Variants in RCBTB2 observed in about 807,000 individuals in gnomAD.
RCBTB2 encodes the protein RCC1 and BTB domain containing protein 2.
A neutral mutation model predicts 65.4 loss-of-function variants in RCBTB2; 55 were observed. The observed-to-expected ratio is 0.84, with a 90% CI of 0.68 to 1.05. The LOEUF (loss-of-function observed/expected upper bound fraction) is 1.05. RCBTB2 is among the 50% of genes least tolerant of loss of function. The probability of loss-of-function intolerance (pLI) is 0.00; values close to 1 mark genes in which losing one functional copy is unlikely to be tolerated. For synonymous variants in RCBTB2, 220 were observed against 255.2 expected (o/e 0.86, Z 1.31); for missense variants, 599 against 680.1 (o/e 0.88, Z 1.33).
At chr13:48,532,751 T>C (rs755663350) in intron 1 of RCBTB2, 4 of 302,302 alleles carry the variant, frequency 1.3e-5, no homozygotes, top group Admixed American at 4.8e-5. Flanking sequence ...GCCAGCGGAA[T>C]TGCGCATGCG....
intron 4 of RCBTB2, among the ~76,000 whole-genome samples, chr13:48,518,632 T>C (rs1951239991): frequency 6.6e-6 from 1 of 151,448 alleles, no homozygotes; most frequent in South Asian, 2.1e-4. Flanking sequence ...GTCCCCAATT[T>C]TATTATATAT....
chr13:48,532,539 C>T (rs1952200601), intron 1 of RCBTB2: 1 of 167,632 alleles, frequency 6.0e-6, no homozygotes, highest in Admixed American at 6.4e-5. Context: ...GGAGAAACTT[C>T]AGGCAGGACG....
intron 10 of RCBTB2, 151 bp downstream of exon 10, chr13:48,510,478 C>T: frequency 2.0e-6 from 2 of 982,644 alleles, no homozygotes; most frequent in Admixed American, 2.6e-5. Context: ...CCCAACAATT[C>T]CAAAGCCAAT....
At chr13:48,492,518 G>T (rs1033909501) in intron 14 of RCBTB2, 1 of 152,222 alleles carries the variant, frequency 6.6e-6, no homozygotes, top group Non-Finnish European at 1.5e-5. Context: ...CCCATCTTCA[G>T]TTCCTCTACT....
At chr13:48,531,894 C>G (rs989585663) in intron 1 of RCBTB2, 17 of 152,268 alleles carry the variant, frequency 1.1e-4, no homozygotes, top group African/African-American at 4.1e-4. Flanking sequence ...TTAACTAAGA[C>G]CCACTGTCTA....
chr13:48,526,937 GA>G (rs1951771144), intron 1 of RCBTB2, among the ~76,000 whole-genome samples: 1 of 151,930 alleles, frequency 6.6e-6, no homozygotes, highest in Non-Finnish European at 1.5e-5. Flanking sequence ...ATAATAAATA[GA>G]TTTTTTTTAA....
intron 4 of RCBTB2, among the ~76,000 whole-genome samples, chr13:48,516,208 T>C (rs1052836825): frequency 1.3e-5 from 2 of 152,188 alleles, no homozygotes; most frequent in Non-Finnish European, 2.9e-5. Context: ...TCCGAAGTTT[T>C]AGTTCATGGG....
At chr13:48,499,896 G>A in intron 12 of RCBTB2, 136 bp from the exon 13 acceptor site, 1 of 1,025,410 alleles carries the variant, frequency 9.8e-7, no homozygotes, top group Non-Finnish European at 1.4e-6. Flanking sequence ...TGCTGGCCAG[G>A]GTTTTCAAAC....
chr13:48,533,305 GT>G (rs1309269825), upstream of RCBTB2: 3 of 307,250 alleles, frequency 9.8e-6, no homozygotes, highest in Non-Finnish European at 1.9e-5. Flanking sequence ...ACCCCCGGGA[GT>G]CTCCCATTGG....
intron 2 of RCBTB2, 92 bp downstream of exon 2, chr13:48,524,567 G>T (rs1951603565): frequency 6.6e-6 from 1 of 152,096 alleles, no homozygotes; most frequent in Non-Finnish European, 1.5e-5. Context: ...TGTATTTCAG[G>T]GCTAGATACT....
Position 48,502,891 on chromosome 13 carries a change from T to C in RCBTB2, c.950A>G (p.His317Arg). 1 of 1,612,524 alleles carries C rather than the reference T, an allele frequency of 6.2e-7. No homozygotes were observed. The change falls in exon 11 of 15, where the codon CAC (histidine) becomes CGC (arginine). Residue 317 changes from histidine to arginine, a missense_variant. Coordinates refer to ENST00000344532, the MANE Select transcript of RCBTB2 (RefSeq NM_001268.4). ...KDRIIEIAAC[H>R]STHTSAAKTQ... ...CTTGGCCGCAGACGTGTGTGTGGAG[T>C]GACAGGCTGCAATCTCGATAATCCT...
chr13:48,530,883 C>T (rs1349484551), intron 1 of RCBTB2, among the ~76,000 whole-genome samples: 1 of 152,094 alleles, frequency 6.6e-6, no homozygotes, highest in Non-Finnish European at 1.5e-5. Flanking sequence ...AGGGTCATGC[C>T]GTGGGCTCCC....
At position 48,521,934 on chromosome 13, in the gene RCBTB2, T is replaced by C; in HGVS notation, c.6A>G (p.Glu2=). The change falls in exon 4 of 15, where the codon GAA becomes GAG. Residue 2 remains glutamate, a synonymous_variant. Transcript: ENST00000344532. M[E]EELPLFSGDS... is the part of the protein sequence containing the mutation. ...CTCCAGAGAAAAGAGGAAGTTCTTC[T>C]TCCATATGGACTCAGTCCTGGGCAG... 6.2e-7 allele frequency: 1 copy of C among 1,613,896 alleles called. No individual in the cohort carries two copies. Among genetic ancestry groups the C allele is most frequent in the African/African-American group, 1.3e-5 (1 of 75,032 alleles).
intron 6 of RCBTB2, 122 bp from the exon 7 acceptor site, chr13:48,513,017 C>T: frequency 2.9e-6 from 2 of 698,684 alleles, no homozygotes; most frequent in Non-Finnish European, 4.6e-6. Flanking sequence ...TAATCAACTT[C>T]CCCATTCCAC....
intron 11 of RCBTB2, among the ~76,000 whole-genome samples, 190 bp downstream of exon 11, chr13:48,502,534 C>T (rs1194748205): frequency 6.6e-6 from 1 of 151,946 alleles, no homozygotes; most frequent in East Asian, 1.9e-4. Flanking sequence ...AATAAAATTA[C>T]TTTTAGTTTA....
At chr13:48,532,735 G>T in intron 1 of RCBTB2, 3 of 299,312 alleles carry the variant, frequency 1.0e-5, no homozygotes, top group Non-Finnish European at 2.0e-5. Flanking sequence ...AGCGCACCGG[G>T]CCCACGCCAG....
chr13:48,511,928 G>A (rs1450163013), intron 8 of RCBTB2, 51 bp from the exon 9 acceptor site: 3 of 1,609,718 alleles, frequency 1.9e-6, no homozygotes, highest in Admixed American at 3.3e-5. Flanking sequence ...TGGCCAGCAA[G>A]CTGTCTGTTA....
chr13:48,532,466 G>A (rs1288924330), intron 1 of RCBTB2: 2 of 152,988 alleles, frequency 1.3e-5, no homozygotes, highest in African/African-American at 4.8e-5. Flanking sequence ...CGGGAGCCTA[G>A]GGGTCGAGGC....
At chr13:48,504,839 G>C (rs1000239366) in intron 10 of RCBTB2, among the ~76,000 whole-genome samples, 2 of 152,178 alleles carry the variant, frequency 1.3e-5, no homozygotes, top group African/African-American at 2.4e-5. Flanking sequence ...CCAGGAGGGA[G>C]GTGTTATCAC....
Sources: gnomAD v4.1 joint callset for allele counts (sites outside exome capture counted in the v4.1 genomes callset) on GRCh38, gnomAD v4.1.1 for gene constraint, MANE v1.5 for transcripts, NCBI Gene and HGNC (gene_info 2026-07-23, HGNC 2026-07-21) for gene names.